The following UNC80 variants were observed in gnomAD, a reference collection of about 807,000 sequenced individuals.
UNC80 encodes the protein protein unc-80 homolog.
UNC80 carries 164 observed loss-of-function variants against 384.6 expected under a neutral mutation model. That is an observed-to-expected ratio of 0.43 (90% CI 0.38 to 0.49). UNC80 has a LOEUF of 0.49. Among genes scored for constraint, UNC80 ranks in the 20% least tolerant of loss-of-function variants. The pLI, the probability that UNC80 is intolerant of heterozygous loss-of-function variation, is 0.00. For missense variants in UNC80, 3,330 were observed against 4,143.0 expected, an observed-to-expected ratio of 0.80 and a Z score of 5.39; for synonymous variants, 1,486 against 1,527.8, an observed-to-expected ratio of 0.97 and a Z score of 0.64.
At chr2:209,994,007 A>G (rs2093439427) in intron 63 of UNC80, 58 bp from the exon 64 acceptor site, 3 of 1,461,698 alleles carry the variant, frequency 2.1e-6, no homozygotes, top group South Asian at 2.7e-5. Flanking sequence ...ACTATTAAGC[A>G]TTGACGGTCC....
chr2:209,965,852 G>A (rs960823202), intron 51 of UNC80, among the ~76,000 whole-genome samples: 1 of 150,736 alleles, frequency 6.6e-6, no homozygotes, highest in Non-Finnish European at 1.5e-5. Context: ...AGGATATTAT[G>A]ACTATTATGG....
intron 21 of UNC80, among the ~76,000 whole-genome samples, chr2:209,848,108 A>G (rs563486846): frequency 6.6e-6 from 1 of 152,200 alleles, no homozygotes; most frequent in East Asian, 1.9e-4. Flanking sequence ...CTGTTCTAGT[A>G]GCTTTGGTAA....
chr2:209,928,614 T>C (rs1483819557), intron 36 of UNC80, among the ~76,000 whole-genome samples: 1 of 152,222 alleles, frequency 6.6e-6, no homozygotes, highest in East Asian at 1.9e-4. Flanking sequence ...GTATACAATG[T>C]GTAATGATCA....
In UNC80 at chr2:209,935,742, GA is replaced by G; in HGVS notation, c.6209del (p.Asn2070MetfsTer21). The G allele has an allele frequency of 6.5e-7, 1 of 1,537,948 alleles. No individual in the cohort carries two copies. The highest frequency in any genetic ancestry group is 8.8e-7 in the Non-Finnish European group (1 of 1,141,848). ...CTAAAACCTTGGTAGTTCATGGACA[GA>G]ATGAGTGCGATATCCCAACCCAGTT... ...GTKTLVVHGQ[N>X]ECDIPTQLPV... On this transcript the variant is annotated frameshift_variant, in exon 40 of 65. Coordinates refer to ENST00000673920, the MANE Select transcript of UNC80 (RefSeq NM_001371986.1). LOFTEE classifies it high-confidence loss of function.
chr2:209,989,031 G>A (rs1401626929), intron 61 of UNC80, among the ~76,000 whole-genome samples: 6 of 152,050 alleles, frequency 3.9e-5, no homozygotes, highest in African/African-American at 1.4e-4. Context: ...TAGGAAACCT[G>A]ACTGGGCACC....
At chr2:209,775,827 T>A in intron 2 of UNC80, 62 bp from the exon 3 acceptor site, 1 of 1,540,872 alleles carries the variant, frequency 6.5e-7, no homozygotes, top group African/African-American at 1.4e-5. Context: ...AATCTTCAAT[T>A]TCTTAGTTTA....
chr2:209,909,154 A>G (rs2088617595), intron 29 of UNC80, among the ~76,000 whole-genome samples: 1 of 152,134 alleles, frequency 6.6e-6, no homozygotes, highest in African/African-American at 2.4e-5. Context: ...GAGTGCAGGC[A>G]CCTACTCCAG....
chr2:209,972,895 G>A (rs1438508312), intron 55 of UNC80, among the ~76,000 whole-genome samples, 169 bp from the exon 56 acceptor site: 1 of 152,106 alleles, frequency 6.6e-6, no homozygotes, highest in African/African-American at 2.4e-5. Flanking sequence ...CAGGTGCCAG[G>A]AACACTGTTT....
intron 27 of UNC80, 87 bp from the exon 28 acceptor site, chr2:209,896,226 T>C: frequency 3.3e-6 from 4 of 1,217,026 alleles, no homozygotes; most frequent in East Asian, 5.1e-5. Context: ...TGCCCTAGGA[T>C]TCAGAAGCAT....
chr2:209,993,964 T>TA (rs1169463727), intron 63 of UNC80, 101 bp from the exon 64 acceptor site: 8 of 1,068,274 alleles, frequency 7.5e-6, no homozygotes, highest in Non-Finnish European at 1.0e-5. Flanking sequence ...GTTTTTATTT[T>TA]AAAAAATCCC....
intron 61 of UNC80, among the ~76,000 whole-genome samples, chr2:209,991,221 G>A (rs1225637895): frequency 6.6e-6 from 1 of 152,168 alleles, no homozygotes; most frequent in Non-Finnish European, 1.5e-5. Flanking sequence ...CTTTTGCAAA[G>A]GCAAAGCAGA....
chr2:209,799,874 A>G (rs1005695012), intron 7 of UNC80, among the ~76,000 whole-genome samples: 7 of 152,204 alleles, frequency 4.6e-5, no homozygotes, highest in African/African-American at 1.7e-4. Context: ...AATTACGTTT[A>G]TTGATTTGCA....
At chr2:209,959,785 G>T in intron 51 of UNC80, 78 bp downstream of exon 51, 1 of 1,341,548 alleles carries the variant, frequency 7.5e-7, no homozygotes. Flanking sequence ...TGGGTTGAGA[G>T]TGGGGGTTCT....
intron 12 of UNC80, 151 bp from the exon 13 acceptor site, chr2:209,820,160 T>G: frequency 8.0e-7 from 1 of 1,249,466 alleles, no homozygotes; most frequent in Non-Finnish European, 1.0e-6. Flanking sequence ...CCACAGCAAC[T>G]TTTATAGGAA....
At position 209,994,137 on chromosome 2, in the gene UNC80, C is replaced by T; in HGVS notation, c.9581C>T (p.Pro3194Leu). 6.4e-7 allele frequency: 1 copy of T among 1,551,718 alleles called. No homozygotes were observed. Among genetic ancestry groups the T allele is most frequent in the Non-Finnish European group, 8.7e-7 (1 of 1,146,990 alleles). Residue 3194 changes from proline to leucine, a missense_variant, in exon 64 of 65, where the codon CCT becomes CTT. Pro to Leu is a moderately conservative substitution (Grantham distance 98). This residue lies in a region of UNC80 where 236 missense variants were observed against 254.9 expected (regional missense o/e 0.93). Coordinates refer to ENST00000673920, the MANE Select transcript of UNC80 (RefSeq NM_001371986.1). ...EPAAAPTDAL[P>L]ATGQLQGCSP... ...GCAGCTGCCCCAACAGATGCGCTTCCTGCAACAGGCCAACTACAGGGCTGT... is the reference window on the plus strand; with the variant it reads ...GCAGCTGCCCCAACAGATGCGCTTCTTGCAACAGGCCAACTACAGGGCTGT...
chr2:209,850,819 A>C (rs1238173791), intron 22 of UNC80, among the ~76,000 whole-genome samples: 2 of 152,094 alleles, frequency 1.3e-5, no homozygotes, highest in African/African-American at 4.8e-5. Flanking sequence ...GTGGCAATTA[A>C]ACAATCAAAG....
At chr2:209,945,276 TTA>T (rs2091859231) in intron 46 of UNC80, 87 bp downstream of exon 46, 1 of 1,305,808 alleles carries the variant, frequency 7.7e-7, no homozygotes, top group Non-Finnish European at 1.0e-6. Context: ...ACACGTATAT[TTA>T]TATGTGTGTG....
In UNC80 at chr2:209,976,200, C is replaced by T; in HGVS notation, c.8669C>T (p.Ala2890Val). ...YWLSLQVKEM[A>V]LRKVGGLALW... ...CTGAGCCTCCAGGTGAAGGAGATGG[C>T]TCTGCGGAAGGTGGGAGGCCTGGCC... is the stretch of plus-strand genomic sequence containing the variant. Residue 2890 changes from alanine to valine, a missense_variant, in exon 57 of 65, where the codon GCT (alanine) becomes GTT (valine). Ala to Val is a moderately conservative substitution (Grantham distance 64). Coordinates refer to ENST00000673920, the MANE Select transcript of UNC80 (RefSeq NM_001371986.1). The surrounding 1 kb of genome is among the most constrained non-coding windows in gnomAD (Gnocchi z 4.3). 6.4e-7 allele frequency: 1 copy of T among 1,551,636 alleles called. No individual in the cohort carries two copies. Among genetic ancestry groups the T allele is most frequent in the Non-Finnish European group, 8.7e-7 (1 of 1,146,982 alleles).
intron 21 of UNC80, among the ~76,000 whole-genome samples, chr2:209,842,711 T>C (rs1197813775): frequency 2.0e-5 from 3 of 152,218 alleles, no homozygotes; most frequent in Non-Finnish European, 4.4e-5. Flanking sequence ...CTATCCTTTA[T>C]TAAAATCTGA....
Sources: gnomAD v4.1 joint callset for allele counts (sites outside exome capture counted in the v4.1 genomes callset) on GRCh38, gnomAD v4.1.1 for gene constraint, gnomAD v4.1.1 regional missense constraint, Gnocchi (gnomAD v3.1) non-coding constraint, MANE v1.5 for transcripts, NCBI Gene and HGNC (gene_info 2026-07-23, HGNC 2026-07-21) for gene names.